Variants in MRPL3 observed in about 807,000 individuals in gnomAD.
MRPL3 encodes large ribosomal subunit protein uL3m.
In MRPL3, 43 loss-of-function variants were observed where a neutral mutation model predicts 44.3. The observed-to-expected ratio is 0.97, with a 90% CI of 0.76 to 1.25. The LOEUF is 1.25. Among genes scored for constraint, MRPL3 ranks in the 50% most tolerant of loss-of-function variants. The pLI is 0.00. For synonymous variants in MRPL3, 171 were observed against 152.3 expected, an observed-to-expected ratio of 1.12 and a Z score of -0.91; for missense variants, 406 against 427.6, an observed-to-expected ratio of 0.95 and a Z score of 0.45.
At chr3:131,477,903 T>C (rs1442435856) in intron 6 of MRPL3, among the ~76,000 whole-genome samples, 2 of 152,216 alleles carry the variant, frequency 1.3e-5, no homozygotes, top group African/African-American at 2.4e-5. Flanking sequence ...TCCTCCCTAT[T>C]TTCCTGCTTC....
At chr3:131,468,635 T>C (rs1933674955) in intron 8 of MRPL3, among the ~76,000 whole-genome samples, 1 of 151,940 alleles carries the variant, frequency 6.6e-6, no homozygotes, top group East Asian at 1.9e-4. Context: ...GAATGATTGG[T>C]CAAAAAATGG....
At chr3:131,482,076 T>G in intron 6 of MRPL3, among the ~76,000 whole-genome samples, 1 of 152,218 alleles carries the variant, frequency 6.6e-6, no homozygotes, top group East Asian at 1.9e-4. Flanking sequence ...AGAACCCATG[T>G]TGACAGTTTA....
rs114758705 is a variant in MRPL3 at position 131,491,481 on chromosome 3, T to C, written c.469-1401A>G. 4.3e-3 allele frequency among the ~76,000 whole-genome samples: 650 copies of C among 152,274 alleles called. 5 individuals carry two copies. The highest frequency in any genetic ancestry group is 0.014 in the African/African-American group (595 of 41,554). On this transcript the variant is annotated intron_variant, in intron 4 of 9. Transcript: ENST00000264995. ...CAACTGCCAAGTCATTATCTCCACT[T>C]CAATGTCATATAGAAACTTAAGCTT...
chr3:131,502,964 C>T lies in MRPL3; in HGVS notation c.-143G>A. On this transcript the variant is annotated 5_prime_UTR_variant, in exon 1 of 10. Transcript: ENST00000264995. Reference sequence around the variant, plus strand: ...CCGCCGGAACGGTCGCCGGCCGATGCTCTCTGCGACGGAAAGAAAGCCGCC... The same window carrying T: ...CCGCCGGAACGGTCGCCGGCCGATGTTCTCTGCGACGGAAAGAAAGCCGCC... The T allele has an allele frequency of 1.3e-6, 1 of 775,062 alleles. No homozygotes were observed. The highest frequency in any genetic ancestry group is 2.7e-5 in the East Asian group (1 of 36,750). 48.0% of individuals were successfully genotyped at this position (775,062 alleles called of 1,614,324 possible).
intron 9 of MRPL3, 84 bp downstream of exon 9, chr3:131,468,007 T>C (rs1933654635): frequency 2.9e-6 from 2 of 681,810 alleles, no homozygotes; most frequent in East Asian, 3.0e-5. Context: ...ATATAAACAA[T>C]AGAAAATAAA....
rs530384977 is a variant in MRPL3 at position 131,491,943 on chromosome 3, A to G, written c.469-1863T>C. 2.2e-4 allele frequency among the ~76,000 whole-genome samples: 33 copies of G among 152,198 alleles called. No individual in the cohort carries two copies. The South Asian group carries it at 6.7e-3, about 31-fold the overall frequency. ...CTTACCATGGTTTAAAATGTTCTAC[A>G]CAATCTGACCTCATCTTTTACTCTC... On this transcript the variant is annotated intron_variant, in intron 4 of 9. Coordinates refer to ENST00000264995, the MANE Select transcript of MRPL3 (RefSeq NM_007208.4).
In MRPL3 at chr3:131,500,475, A is replaced by C; in HGVS notation, c.324T>G (p.Pro108=). The change falls in exon 3 of 10, where the codon CCT becomes CCG. Residue 108 remains proline, a synonymous_variant. Coordinates refer to ENST00000264995, the MANE Select transcript of MRPL3 (RefSeq NM_007208.4). The part of the protein sequence containing the change: ...GLIALKLGMM[P]LWTKDGQKHV... ...GCTTTTGACCATCCTTGGTCCATAA[A>C]GGCATCATGCCCAGCTTCAAGGCAA... The C allele has an allele frequency of 6.2e-7, 1 of 1,613,956 alleles. No individual in the cohort carries two copies. Among genetic ancestry groups the C allele is most frequent in the Non-Finnish European group, 8.5e-7 (1 of 1,179,898 alleles).
chr3:131,477,430 C>T (rs1933878141), intron 6 of MRPL3, among the ~76,000 whole-genome samples: 1 of 152,308 alleles, frequency 6.6e-6, no homozygotes, highest in Non-Finnish European at 1.5e-5. Context: ...ATCCATCTTC[C>T]TCTCCAATTA....
At chr3:131,481,890 C>T (rs1240030982) in intron 6 of MRPL3, among the ~76,000 whole-genome samples, 3 of 152,208 alleles carry the variant, frequency 2.0e-5, no homozygotes, top group Non-Finnish European at 2.9e-5. Context: ...CAGGACAGCA[C>T]AGCAACTGTA....
intron 6 of MRPL3, among the ~76,000 whole-genome samples, chr3:131,478,605 C>G: frequency 1.3e-5 from 2 of 152,118 alleles, no homozygotes; most frequent in East Asian, 1.9e-4. Flanking sequence ...TTTGTTCCTT[C>G]TGCCTCAAAC....
intron 7 of MRPL3, 55 bp downstream of exon 7, chr3:131,471,116 C>A: frequency 8.2e-7 from 1 of 1,221,080 alleles, no homozygotes; most frequent in African/African-American, 1.5e-5. Context: ...CTGAGGACTA[C>A]ATGTGCAGAA....
At chr3:131,497,341 T>C (rs775309314) in intron 4 of MRPL3, among the ~76,000 whole-genome samples, 1 of 152,234 alleles carries the variant, frequency 6.6e-6, no homozygotes, top group Non-Finnish European at 1.5e-5. Flanking sequence ...GCACGTGGCA[T>C]GTAATAAATG....
chr3:131,472,499 T>C (rs1933763132), intron 6 of MRPL3, among the ~76,000 whole-genome samples: 1 of 152,194 alleles, frequency 6.6e-6, no homozygotes, highest in East Asian at 1.9e-4. Context: ...ATACTGATGT[T>C]ATGCTTTCAG....
At chr3:131,464,857 G>T (rs1166190104) in intron 9 of MRPL3, among the ~76,000 whole-genome samples, 1 of 152,186 alleles carries the variant, frequency 6.6e-6, no homozygotes, top group Non-Finnish European at 1.5e-5. Context: ...GAAGTGAGTG[G>T]ATGTTAACAA....
intron 4 of MRPL3, among the ~76,000 whole-genome samples, chr3:131,497,201 A>G (rs1934387834): frequency 6.6e-6 from 1 of 152,222 alleles, no homozygotes; most frequent in Non-Finnish European, 1.5e-5. Context: ...AGACACAGTT[A>G]AGTAAGGCTC....
chr3:131,478,526 A>C (rs1933904747), intron 6 of MRPL3, among the ~76,000 whole-genome samples: 1 of 152,088 alleles, frequency 6.6e-6, no homozygotes, highest in African/African-American at 2.4e-5. Context: ...CCAAACACTG[A>C]AAAATCTTAG....
intron 9 of MRPL3, among the ~76,000 whole-genome samples, chr3:131,466,286 C>T (rs1933599222): frequency 6.6e-6 from 1 of 152,046 alleles, no homozygotes; most frequent in African/African-American, 2.4e-5. Flanking sequence ...TTGCTGCTAT[C>T]ATTGGAAAAT....
At chr3:131,464,268 CT>C (rs1933552148) in intron 9 of MRPL3, among the ~76,000 whole-genome samples, 1 of 152,112 alleles carries the variant, frequency 6.6e-6, no homozygotes, top group Non-Finnish European at 1.5e-5. Context: ...CTCTCAGTTG[CT>C]TTCACACTTT....
intron 7 of MRPL3, 44 bp downstream of exon 7, chr3:131,471,127 G>T: frequency 7.4e-7 from 1 of 1,348,284 alleles, no homozygotes; most frequent in African/African-American, 1.4e-5. Flanking sequence ...ATGTGCAGAA[G>T]TTGAATATTT....
Sources: allele counts gnomAD v4.1 joint callset (sites outside exome capture counted in the v4.1 genomes callset), GRCh38; gene constraint gnomAD v4.1.1; transcripts MANE v1.5; gene names NCBI Gene and HGNC (gene_info 2026-07-23, HGNC 2026-07-21).